The following LYRM4 variants were observed in gnomAD, a reference collection of about 807,000 sequenced individuals.
LYRM4 encodes the protein LYR motif containing 4, also known as LYR motif-containing protein 4.
In LYRM4, 9 loss-of-function variants were observed where a neutral mutation model predicts 11.7. That is an observed-to-expected ratio of 0.77 (90% CI 0.46 to 1.34). The LOEUF (loss-of-function observed/expected upper bound fraction) is 1.34. Among genes scored for constraint, LYRM4 ranks in the 40% most tolerant of loss-of-function variants. The pLI, the probability that LYRM4 is intolerant of heterozygous loss-of-function variation, is 0.00. For missense variants in LYRM4, 133 were observed against 112.5 expected (o/e 1.18, Z -0.82); for synonymous variants, 42 against 40.4 (o/e 1.04, Z -0.15).
chr6:5,079,363 C>G, the LYRM4 span, among the ~76,000 whole-genome samples: 1 of 152,242 alleles, frequency 6.6e-6, no homozygotes, highest in Non-Finnish European at 1.5e-5. Context: ...TAAGAATATT[C>G]TCTTCTTGGT....
chr6:5,240,507 T>A (rs1763812116), intron 1 of LYRM4: 1 of 122,306 alleles, frequency 8.2e-6, no homozygotes, highest in South Asian at 2.9e-4. Flanking sequence ...AAATGACAGT[T>A]GTTAAGTATC....
At chr6:5,148,819 C>T (rs1043675791) in intron 2 of LYRM4, among the ~76,000 whole-genome samples, 2 of 152,120 alleles carry the variant, frequency 1.3e-5, no homozygotes, top group Admixed American at 1.3e-4. Flanking sequence ...CTAATTAAAT[C>T]TATAAATATA....
At chr6:5,162,240 C>T (rs1253251230) in intron 2 of LYRM4, among the ~76,000 whole-genome samples, 2 of 152,222 alleles carry the variant, frequency 1.3e-5, no homozygotes, top group African/African-American at 4.8e-5. Flanking sequence ...TGATTTCAAT[C>T]AGTATGTATC....
intron 1 of LYRM4, among the ~76,000 whole-genome samples, chr6:5,220,490 C>T (rs1340142934): frequency 6.6e-6 from 1 of 152,194 alleles, no homozygotes; most frequent in African/African-American, 2.4e-5. Flanking sequence ...AAGCTGAATC[C>T]TTTCTACTGG....
At chr6:5,142,558 G>A (rs967852457) in intron 2 of LYRM4, among the ~76,000 whole-genome samples, 1 of 152,164 alleles carries the variant, frequency 6.6e-6, no homozygotes, top group Non-Finnish European at 1.5e-5. Flanking sequence ...ATGACTTACT[G>A]TGCAGCAATA....
Position 5,260,578 on chromosome 6 carries a change from G to A in LYRM4, c.86+70C>T. Reference sequence around the variant, plus strand: ...GGCTCCCAGTCCCCGGGGATATTCCGCGTCAGCCCGCACCCCCGGTCCCCG... The same window carrying A: ...GGCTCCCAGTCCCCGGGGATATTCCACGTCAGCCCGCACCCCCGGTCCCCG... On this transcript the variant is annotated intron_variant, in intron 1 of 2. Transcript: ENST00000330636. The A allele has an allele frequency of 2.0e-6, 3 of 1,518,776 alleles. No individual in the cohort carries two copies. The East Asian group carries it at 7.4e-5, about 37-fold the overall frequency. The allele number at this position is 1,518,776 out of a possible 1,614,324, so 94.1% of individuals were successfully genotyped here.
chr6:5,040,348 G>GATACATACATAC, the LYRM4 span, among the ~76,000 whole-genome samples: 1 of 138,078 alleles, frequency 7.2e-6, no homozygotes, highest in African/African-American at 2.9e-5. Context: ...TAGATAGATA[G>GATACATACATAC]ATAGATACAT....
intron 2 of LYRM4, among the ~76,000 whole-genome samples, chr6:5,111,532 G>A (rs1762881750): frequency 6.6e-6 from 1 of 152,244 alleles, no homozygotes; most frequent in Admixed American, 6.5e-5. Context: ...CAGAAAGTGA[G>A]GATGGAGAAG....
chr6:5,202,726 T>C (rs1044058212), intron 2 of LYRM4, among the ~76,000 whole-genome samples: 6 of 152,234 alleles, frequency 3.9e-5, no homozygotes, highest in Admixed American at 3.3e-4. Context: ...ACAGGGCTGT[T>C]ATAATTAGTT....
the LYRM4 span, chr6:5,066,444 G>A: frequency 6.6e-6 from 5 of 756,234 alleles, no homozygotes; most frequent in Non-Finnish European, 1.2e-5. Flanking sequence ...CCAAGGAACT[G>A]CTTCTATTCC....
chr6:5,053,764 A>G, the LYRM4 span, among the ~76,000 whole-genome samples: 1 of 152,214 alleles, frequency 6.6e-6, no homozygotes, highest in African/African-American at 2.4e-5. Context: ...ATAGGTCTGT[A>G]TGGAGGAATC....
the LYRM4 span, among the ~76,000 whole-genome samples, chr6:5,053,155 A>G: frequency 2.0e-5 from 3 of 152,062 alleles, no homozygotes. Flanking sequence ...GGGATGGGGG[A>G]TTTTTTTAGA....
At chr6:5,217,826 C>T (rs947080949) in intron 1 of LYRM4, among the ~76,000 whole-genome samples, 1 of 152,222 alleles carries the variant, frequency 6.6e-6, no homozygotes, top group Admixed American at 6.5e-5. Flanking sequence ...TGGCCTATCT[C>T]TAGCTCTACC....
At chr6:5,088,242 C>G in the LYRM4 span, 1 of 152,274 alleles carries the variant, frequency 6.6e-6, no homozygotes, top group Non-Finnish European at 1.5e-5. Context: ...GTACAGGCAT[C>G]TGCCACCACA....
At chr6:5,046,292 G>A in the LYRM4 span, among the ~76,000 whole-genome samples, 1 of 152,010 alleles carries the variant, frequency 6.6e-6, no homozygotes, top group South Asian at 2.1e-4. Flanking sequence ...GACTACAGGT[G>A]CCCGCCACCA....
At chr6:5,080,961 TAAAGA>T in the LYRM4 span, among the ~76,000 whole-genome samples, 1 of 152,152 alleles carries the variant, frequency 6.6e-6, no homozygotes, top group Non-Finnish European at 1.5e-5. Context: ...TACAGATTAA[TAAAGA>T]AAATAAATAC....
At chr6:5,046,666 G>A in the LYRM4 span, among the ~76,000 whole-genome samples, 1,581 of 152,308 alleles carry the variant, frequency 0.01, 20 homozygotes, top group African/African-American at 0.037. Flanking sequence ...TAAAGTAGTT[G>A]AACTTAGATG....
intron 2 of LYRM4, among the ~76,000 whole-genome samples, chr6:5,159,983 A>G (rs771110552): frequency 2.0e-5 from 3 of 151,932 alleles, no homozygotes; most frequent in Non-Finnish European, 4.4e-5. Context: ...GCTTCCTGAA[A>G]TCCCTTCTCT....
intron 2 of LYRM4, among the ~76,000 whole-genome samples, chr6:5,170,529 C>G (rs1472060158): frequency 6.6e-6 from 1 of 152,126 alleles, no homozygotes; most frequent in Non-Finnish European, 1.5e-5. Context: ...GAGACGGAGT[C>G]TCGCTCTGTT....
Sources: gnomAD v4.1 joint callset for allele counts (sites outside exome capture counted in the v4.1 genomes callset) on GRCh38, gnomAD v4.1.1 for gene constraint, MANE v1.5 for transcripts, NCBI Gene and HGNC (gene_info 2026-07-23, HGNC 2026-07-21) for gene names.